The following TAGLN variants were observed in gnomAD, a reference collection of about 807,000 sequenced individuals.
TAGLN encodes the protein 22 kDa actin-binding protein.
TAGLN carries 16 observed loss-of-function variants against 21.9 expected under a neutral mutation model. That is an observed-to-expected ratio of 0.73 (90% confidence interval 0.49 to 1.11). The LOEUF (loss-of-function observed/expected upper bound fraction) is 1.11. Among genes scored for constraint, TAGLN ranks in the 50% least tolerant of loss-of-function variants. TAGLN has a pLI of 0.00. For synonymous variants in TAGLN, 96 were observed against 94.9 expected, an observed-to-expected ratio of 1.01 and a Z score of -0.06; for missense variants, 248 against 263.2, an observed-to-expected ratio of 0.94 and a Z score of 0.40.
rs1297654499 is a variant in TAGLN at position 117,203,581 on chromosome 11, C to T, written c.358+97C>T. The T allele has an allele frequency of 3.5e-6, 5 of 1,431,808 alleles. No individual in the cohort carries two copies. In the East Asian group the frequency reaches 1.2e-4, roughly 33 times the overall value. The allele number at this position is 1,431,808 out of a possible 1,614,324, so 88.7% of individuals were successfully genotyped here. On this transcript the variant is annotated intron_variant, in intron 3 of 4. Coordinates refer to ENST00000392951, the MANE Select transcript of TAGLN (RefSeq NM_003186.5). This position sits in a 1 kb window ranked among gnomAD's most constrained non-coding sequence, Gnocchi z 4.4. Reference sequence around the variant, plus strand: ...AGAATATGCCACAACTAGGGGTGTGCTTGCCCGCACACAGCAGGGATGGGA... The same window carrying T: ...AGAATATGCCACAACTAGGGGTGTGTTTGCCCGCACACAGCAGGGATGGGA...
chr11:117,203,002 C>G lies in TAGLN; in HGVS notation c.-12C>G, dbSNP rs1364799234. The G allele has an allele frequency of 6.5e-7, 1 of 1,545,990 alleles. No individual in the cohort carries two copies. ...CCTCCTCCACCCTGGCCTGCTTTAG[C>G]TTTCCCCAGACATGGCCAACAAGGG... On this transcript the variant is annotated splice_region_variant and 5_prime_UTR_variant, in exon 2 of 5. Transcript: ENST00000392951. This position sits in a 1 kb window ranked among gnomAD's most constrained non-coding sequence, Gnocchi z 4.4.
chr11:117,202,031 T>G (rs1437461135), intron 1 of TAGLN: 1 of 152,342 alleles, frequency 6.6e-6, no homozygotes, highest in Non-Finnish European at 1.5e-5. Flanking sequence ...CCCCTCTCCA[T>G]GAGTGGGACT....
Position 117,203,213 on chromosome 11 carries a change from A to G in TAGLN, c.180+20A>G, listed in dbSNP as rs2031172710. On this transcript the variant is annotated intron_variant, in intron 2 of 4. Transcript: ENST00000392951. This position sits in a 1 kb window ranked among gnomAD's most constrained non-coding sequence, Gnocchi z 4.4. The stretch of plus-strand genomic sequence containing the variant: ...GGCGTGGTGAGTGGCACCCTGGGCT[A>G]GGGCGCTGGGGGGCTGGGGTGTGCC... 1 of 1,592,308 alleles carries G rather than the reference A, an allele frequency of 6.3e-7. No homozygotes were observed. Among genetic ancestry groups the G allele is most frequent in the Middle Eastern group, 1.7e-4 (1 of 5,952 alleles).
Position 117,204,724 on chromosome 11 carries a change from CCT to C in TAGLN, c.*366_*367del, listed in dbSNP as rs1339375652. ...GAAGAAGAACCAGCCCAGCCTGCCC[CCT>C]ATCTTGTCCTGGAATATTTTTGGGG... On this transcript the variant is annotated 3_prime_UTR_variant, in exon 5 of 5. Coordinates refer to ENST00000392951, the MANE Select transcript of TAGLN (RefSeq NM_003186.5). The C allele has an allele frequency of 2.1e-5, 7 of 330,662 alleles. No homozygotes were observed. Among genetic ancestry groups the C allele is most frequent in the African/African-American group, 8.5e-5 (4 of 47,138 alleles). 20.5% of individuals were successfully genotyped at this position (330,662 alleles called of 1,614,324 possible).
chr11:117,205,159 C>G lies in TAGLN; in HGVS notation c.*800C>G, dbSNP rs1390463353. On this transcript the variant is annotated 3_prime_UTR_variant, in exon 5 of 5. Coordinates refer to ENST00000392951, the MANE Select transcript of TAGLN (RefSeq NM_003186.5). The stretch of plus-strand genomic sequence containing the variant: ...TGAAAAGAGAAAAACAAATCTTAAG[C>G]ATTAAAAAAAATTCAACCAACTAGC... The G allele has an allele frequency of 1.3e-5, 3 of 232,582 alleles. No homozygotes were observed. Among genetic ancestry groups the G allele is most frequent in the Admixed American group, 5.6e-5 (1 of 17,742 alleles). The allele number at this position is 232,582 out of a possible 1,614,324, so 14.4% of individuals were successfully genotyped here. A position where few individuals can be genotyped will look rare whatever the true frequency, so the allele number is the denominator to read the frequency against.
rs754211410 is a variant in TAGLN at position 117,203,382 on chromosome 11, A to G, written c.256A>G (p.Met86Val). 30 of 1,614,110 alleles carry G rather than the reference A, an allele frequency of 1.9e-5. No homozygotes were observed. The highest frequency in any genetic ancestry group is 2.2e-5 in the Non-Finnish European group (26 of 1,180,012). Residue 86 changes from methionine to valine, a missense_variant, in exon 3 of 5, where the codon ATG (methionine) becomes GTG (valine). Coordinates refer to ENST00000392951, the MANE Select transcript of TAGLN (RefSeq NM_003186.5). The surrounding 1 kb of genome is among the most constrained non-coding windows in gnomAD (Gnocchi z 4.4). ...PVKVPENPPS[M>V]VFKQMEQVAQ... Reference sequence around the variant, plus strand: ...GAAGGTGCCCGAGAACCCACCCTCCATGGTCTTCAAGCAGATGGAGCAGGT... The same window carrying G: ...GAAGGTGCCCGAGAACCCACCCTCCGTGGTCTTCAAGCAGATGGAGCAGGT...
chr11:117,202,888 G>C (rs1591779182), intron 1 of TAGLN, 114 bp from the exon 2 acceptor site: 1 of 934,666 alleles, frequency 1.1e-6, no homozygotes, highest in African/African-American at 1.7e-5. Flanking sequence ...GCTGTGACAA[G>C]TGTCTAGGAT....
Position 117,204,593 on chromosome 11 carries a change from C to A in TAGLN, c.*234C>A. ...TTGGCCCCTCCCTCCCGGCTGCCCCCATCACCTCTACTGTCTCCTCCCTGG... is the reference window on the plus strand; with the variant it reads ...TTGGCCCCTCCCTCCCGGCTGCCCCAATCACCTCTACTGTCTCCTCCCTGG... On this transcript the variant is annotated 3_prime_UTR_variant, in exon 5 of 5. Coordinates refer to ENST00000392951, the MANE Select transcript of TAGLN (RefSeq NM_003186.5). 1.5e-6 allele frequency: 1 copy of A among 648,638 alleles called. No individual in the cohort carries two copies. The highest frequency in any genetic ancestry group is 2.8e-6 in the Non-Finnish European group (1 of 361,440). 40.2% of individuals were successfully genotyped at this position (648,638 alleles called of 1,614,324 possible). A position where few individuals can be genotyped will look rare whatever the true frequency, so the allele number is the denominator to read the frequency against.
At chr11:117,202,924 A>G in intron 1 of TAGLN, 78 bp from the exon 2 acceptor site, 1 of 1,379,940 alleles carries the variant, frequency 7.2e-7, no homozygotes, top group South Asian at 1.5e-5. Flanking sequence ...ACAGAGCTAG[A>G]AGGCTGCCTG....
rs1591781414 is a variant in TAGLN, at chr11:117,204,353, C to G, written c.600C>G (p.Ile200Met). ...MTGYGRPRQIIS is the reference protein window; with the variant it reads ...MTGYGRPRQIMS ...GCTACGGACGACCTCGGCAGATCAT[C>G]AGTTAGAGCGGAGAGGGCTAGCCCT... Residue 200 changes from isoleucine (I) to methionine (M), a missense_variant, in exon 5 of 5, where the codon ATC becomes ATG. Transcript: ENST00000392951. 19 of 1,614,242 alleles carry G rather than the reference C, an allele frequency of 1.2e-5. No homozygotes were observed. The highest frequency in any genetic ancestry group is 1.5e-5 in the Non-Finnish European group (18 of 1,180,044).
At position 117,203,839 on chromosome 11, in the gene TAGLN, C is replaced by G. The variant is rs1360674206; in HGVS notation, c.416C>G (p.Thr139Ser). 1.2e-6 allele frequency: 2 copies of G among 1,613,894 alleles called. No homozygotes were observed. The highest frequency in any genetic ancestry group is 1.7e-6 in the Non-Finnish European group (2 of 1,179,962). ...TLMALGSLAV[T>S]KNDGHYRGDP... ...ATGGCTTTGGGCAGCTTGGCAGTGA[C>G]CAAGAATGATGGGCACTACCGTGGA... The change falls in exon 4 of 5, where the codon ACC becomes AGC. Residue 139 changes from threonine to serine, a missense_variant. Physicochemically the swap from Thr to Ser is moderately conservative, Grantham distance 58 (BLOSUM62 1). Coordinates refer to ENST00000392951, the MANE Select transcript of TAGLN (RefSeq NM_003186.5). The surrounding 1 kb of genome is among the most constrained non-coding windows in gnomAD (Gnocchi z 4.4).
At position 117,205,332 on chromosome 11, in the gene TAGLN, T is replaced by C. The variant is rs557000987; in HGVS notation, c.*973T>C. 2.4e-4 allele frequency: 56 copies of C among 233,446 alleles called. No homozygotes were observed. In the East Asian group the frequency reaches 2.5e-3, roughly 10 times the overall value. 14.5% of individuals were successfully genotyped at this position (233,446 alleles called of 1,614,324 possible). ...CTGGAGTGGCAGTGGCTCCCAAGGC[T>C]CTCTCCTCCAACATGTGCATCTGCC... is the stretch of plus-strand genomic sequence containing the variant. On this transcript the variant is annotated 3_prime_UTR_variant, in exon 5 of 5. Coordinates refer to ENST00000392951, the MANE Select transcript of TAGLN (RefSeq NM_003186.5).
chr11:117,203,945 A>C lies in TAGLN; in HGVS notation c.461+61A>C. 1 of 1,442,370 alleles carries C rather than the reference A, an allele frequency of 6.9e-7. No homozygotes were observed. Among genetic ancestry groups the C allele is most frequent in the Non-Finnish European group, 9.7e-7 (1 of 1,025,850 alleles). 89.3% of individuals were successfully genotyped at this position (1,442,370 alleles called of 1,614,324 possible). ...GGGTGGGAGGTGGCTTGTTCTAAGG[A>C]GCTTGCGGGAAGGATTAGGGGAAGC... On this transcript the variant is annotated intron_variant, in intron 4 of 4. Coordinates refer to ENST00000392951, the MANE Select transcript of TAGLN (RefSeq NM_003186.5). This position sits in a 1 kb window ranked among gnomAD's most constrained non-coding sequence, Gnocchi z 4.4.
chr11:117,203,243 T>C lies in TAGLN; in HGVS notation c.180+50T>C. On this transcript the variant is annotated intron_variant, in intron 2 of 4. Transcript: ENST00000392951. This position sits in a 1 kb window ranked among gnomAD's most constrained non-coding sequence, Gnocchi z 4.4. ...GCTGGGGGGCTGGGGTGTGCCACCC[T>C]GTGAGTCCTGGGCCAATCCCTGAGC... The C allele has an allele frequency of 6.3e-7, 1 of 1,598,460 alleles. No homozygotes were observed. The highest frequency in any genetic ancestry group is 8.6e-7 in the Non-Finnish European group (1 of 1,168,474).
rs535990820 is a variant in TAGLN, at chr11:117,206,906, A to G, written c.*2547A>G. The stretch of plus-strand genomic sequence containing the variant: ...GGTGAAGACAGGGAAGCCCCACAGC[A>G]AAAAGGAGAGGCCCAGACTGTGAGT... On this transcript the variant is annotated 3_prime_UTR_variant, in exon 5 of 5. Coordinates refer to ENST00000392951, the MANE Select transcript of TAGLN (RefSeq NM_003186.5). 1 of 770,558 alleles carries G rather than the reference A, an allele frequency of 1.3e-6. No homozygotes were observed. The highest frequency in any genetic ancestry group is 2.3e-6 in the Non-Finnish European group (1 of 426,102). 47.7% of individuals were successfully genotyped at this position (770,558 alleles called of 1,614,324 possible). A position where few individuals can be genotyped will look rare whatever the true frequency, so the allele number is the denominator to read the frequency against.
chr11:117,204,150 G>T, intron 4 of TAGLN, 65 bp from the exon 5 acceptor site: 1 of 1,606,030 alleles, frequency 6.2e-7, no homozygotes, highest in Non-Finnish European at 8.5e-7. Context: ...GTAACAGAGG[G>T]ATCAGAAAAC....
At chr11:117,201,172 T>C (rs1234498050) in intron 1 of TAGLN, 1 of 152,244 alleles carries the variant, frequency 6.6e-6, no homozygotes, top group Non-Finnish European at 1.5e-5. Flanking sequence ...GTCTCTGGCA[T>C]CACTGGCAGG....
rs374854460 is a variant in TAGLN, at chr11:117,204,363, G to A, written c.*4G>A. On this transcript the variant is annotated 3_prime_UTR_variant, in exon 5 of 5. Transcript: ENST00000392951. Reference sequence around the variant, plus strand: ...ACCTCGGCAGATCATCAGTTAGAGCGGAGAGGGCTAGCCCTGAGCCCGGCC... The same window carrying A: ...ACCTCGGCAGATCATCAGTTAGAGCAGAGAGGGCTAGCCCTGAGCCCGGCC... The A allele has an allele frequency of 2.6e-5, 42 of 1,614,020 alleles. No individual in the cohort carries two copies. Among genetic ancestry groups the A allele is most frequent in the African/African-American group, 8.0e-5 (6 of 74,856 alleles).
rs1315574665 is a variant in TAGLN, at chr11:117,203,310, C to T, written c.184C>T (p.Leu62=). The change falls in exon 3 of 5, where the codon CTG becomes TTG. Residue 62 remains leucine, a synonymous_variant. Transcript: ENST00000392951. This position sits in a 1 kb window ranked among gnomAD's most constrained non-coding sequence, Gnocchi z 4.4. ...FQVWLKNGVI[L]SKLVNSLYPD... ...TCCTATGCCCTATGCCTGGTAGATT[C>T]TGAGCAAGCTGGTGAACAGCCTGTA... The T allele has an allele frequency of 6.2e-7, 1 of 1,614,154 alleles. No individual in the cohort carries two copies.
Sources: gnomAD v4.1 joint callset for allele counts on GRCh38, gnomAD v4.1.1 for gene constraint, Gnocchi (gnomAD v3.1) non-coding constraint, MANE v1.5 for transcripts, NCBI Gene and HGNC (gene_info 2026-07-23, HGNC 2026-07-21) for gene names.